ERBB4: variants seen among roughly 807,000 people sequenced by gnomAD.
ERBB4 encodes erb-b2 receptor tyrosine kinase 4.
ERBB4 carries 42 observed loss-of-function variants against 158.0 expected under a neutral mutation model. The ratio of observed to expected loss-of-function variants is 0.27; its 90% CI spans 0.21 to 0.34. The LOEUF (loss-of-function observed/expected upper bound fraction) is 0.34, where lower values mean the gene tolerates loss of function less well. Among genes scored for constraint, ERBB4 ranks in the 10% least tolerant of loss-of-function variants. ERBB4 has a pLI of 1.00. For synonymous variants in ERBB4, 583 were observed against 558.7 expected, an observed-to-expected ratio of 1.04 and a Z score of -0.61; for missense variants, 1,333 against 1,624.1, an observed-to-expected ratio of 0.82 and a Z score of 3.08.
At chr2:211,434,393 A>G (rs2063807675) in intron 20 of ERBB4, among the ~76,000 whole-genome samples, 1 of 152,150 alleles carries the variant, frequency 6.6e-6, no homozygotes, top group African/African-American at 2.4e-5. Context: ...CAAACTTATA[A>G]AGAGACCTTC....
intron 7 of ERBB4, among the ~76,000 whole-genome samples, chr2:211,719,881 A>AAAAGG (rs2074040030): frequency 6.6e-6 from 1 of 151,996 alleles, no homozygotes; most frequent in Non-Finnish European, 1.5e-5. Flanking sequence ...AAAAAAAAAA[A>AAAAGG]AAAAGGAAAG....
Position 212,198,563 on chromosome 2 carries a change from T to C in ERBB4, c.83-73660A>G, listed in dbSNP as rs369578750. On this transcript the variant is annotated intron_variant, in intron 1 of 27. Coordinates refer to ENST00000342788, the MANE Select transcript of ERBB4 (RefSeq NM_005235.3). ...CAATCCTTCTTAGGGCTGAATAATA[T>C]TATACTGTATCTGCCATATATATAG... Among the ~76,000 whole-genome samples, 8 of 152,066 alleles carry C rather than the reference T, an allele frequency of 5.3e-5. No individual in the cohort carries two copies. The East Asian group carries it at 1.5e-3, about 29-fold the overall frequency.
At chr2:212,410,421 T>C (rs2091463701) in intron 1 of ERBB4, among the ~76,000 whole-genome samples, 1 of 152,050 alleles carries the variant, frequency 6.6e-6, no homozygotes, top group Non-Finnish European at 1.5e-5. Context: ...ATGGAACATA[T>C]GTATGTATAA....
In ERBB4 at chr2:212,341,690, CTTTA is replaced by C. The variant is rs1233748348; in HGVS notation, c.82+196755_82+196758del. Among the ~76,000 whole-genome samples the C allele has an allele frequency of 2.6e-4, 40 of 152,184 alleles. 1 individual carries two copies. Among genetic ancestry groups the C allele is most frequent in the Admixed American group, 2.4e-3 (37 of 15,284 alleles). ...ATTAATATAAGGCATTTTGCAATTT[CTTTA>C]TTTAGTTATTTCAAATTATATTGTA... On this transcript the variant is annotated intron_variant, in intron 1 of 27. Transcript: ENST00000342788.
At chr2:211,581,979 C>T (rs983075253) in intron 19 of ERBB4, among the ~76,000 whole-genome samples, 47 of 151,962 alleles carry the variant, frequency 3.1e-4, no homozygotes, top group African/African-American at 8.9e-4. Context: ...CATTGTACTC[C>T]AGCCTAGGTG....
intron 1 of ERBB4, among the ~76,000 whole-genome samples, chr2:212,425,279 AAC>A (rs2091882837): frequency 7.0e-6 from 1 of 142,302 alleles, no homozygotes; most frequent in Non-Finnish European, 1.5e-5. Flanking sequence ...TATAATAAAT[AAC>A]AGATATATAT....
At chr2:211,965,249 T>C (rs2081282290) in intron 2 of ERBB4, among the ~76,000 whole-genome samples, 1 of 152,230 alleles carries the variant, frequency 6.6e-6, no homozygotes, top group Non-Finnish European at 1.5e-5. Context: ...ATATTCTCAG[T>C]ATGTTACTGA....
intron 1 of ERBB4, among the ~76,000 whole-genome samples, chr2:212,503,158 T>A (rs1171824975): frequency 6.6e-6 from 1 of 152,232 alleles, no homozygotes; most frequent in East Asian, 1.9e-4. Flanking sequence ...CATTGAACTG[T>A]TAGTAATGAG....
intron 25 of ERBB4, among the ~76,000 whole-genome samples, chr2:211,388,450 C>T (rs2062732916): frequency 6.6e-6 from 1 of 152,110 alleles, no homozygotes; most frequent in South Asian, 2.1e-4. Context: ...TTTCGATTTG[C>T]CTGGACTAAT....
At chr2:212,113,986 T>C (rs1161195345) in intron 2 of ERBB4, among the ~76,000 whole-genome samples, 2 of 152,200 alleles carry the variant, frequency 1.3e-5, no homozygotes, top group African/African-American at 4.8e-5. Context: ...AATAAAAGAA[T>C]TCTTATGGCT....
intron 1 of ERBB4, among the ~76,000 whole-genome samples, chr2:212,339,162 C>A (rs114043389): frequency 2.0e-5 from 3 of 152,156 alleles, no homozygotes; most frequent in African/African-American, 7.2e-5. Flanking sequence ...TTCTCTCCCT[C>A]CCCAACCCCA....
chr2:212,245,421 T>TA (rs1244404504), intron 1 of ERBB4, among the ~76,000 whole-genome samples: 2 of 152,160 alleles, frequency 1.3e-5, no homozygotes, highest in Non-Finnish European at 2.9e-5. Context: ...GAATGGAAGC[T>TA]ATCCTCCTAT....
At chr2:212,199,443 C>T (rs2082527996) in intron 1 of ERBB4, among the ~76,000 whole-genome samples, 1 of 152,128 alleles carries the variant, frequency 6.6e-6, no homozygotes, top group Non-Finnish European at 1.5e-5. Flanking sequence ...ATAACTATTA[C>T]ATCATAAATT....
rs1213520652 is a variant in ERBB4, at chr2:211,377,966, T to C, written c.*5649A>G. 2 of 232,834 alleles carry C rather than the reference T, an allele frequency of 8.6e-6. No homozygotes were observed. Among genetic ancestry groups the C allele is most frequent in the East Asian group, 6.0e-5 (1 of 16,534 alleles). The allele number at this position is 232,834 out of a possible 1,614,324, so 14.4% of individuals were successfully genotyped here. On this transcript the variant is annotated 3_prime_UTR_variant, in exon 28 of 28. Coordinates refer to ENST00000342788, the MANE Select transcript of ERBB4 (RefSeq NM_005235.3). ...GTGTCCAAATTGCTAGAATCTCTTATGAAAAAATCAGGCATTCGAGGGCAA... is the reference window on the plus strand; with the variant it reads ...GTGTCCAAATTGCTAGAATCTCTTACGAAAAAATCAGGCATTCGAGGGCAA...
intron 1 of ERBB4, among the ~76,000 whole-genome samples, chr2:212,378,797 G>A (rs867192416): frequency 6.6e-6 from 1 of 151,740 alleles, no homozygotes; most frequent in African/African-American, 2.4e-5. Flanking sequence ...ACCAATGTTC[G>A]AGTTAACAAT....
intron 2 of ERBB4, among the ~76,000 whole-genome samples, chr2:212,067,255 C>T (rs12694262): frequency 0.84 from 127,781 of 151,946 alleles, 55,239 homozygotes; most frequent in East Asian, 1. Context: ...CAAATTTAAA[C>T]AGAGCCTATA....
chr2:211,413,485 G>A (rs903796874), intron 25 of ERBB4, among the ~76,000 whole-genome samples: 1 of 152,058 alleles, frequency 6.6e-6, no homozygotes, highest in Middle Eastern at 3.4e-3. Context: ...TCATGTCAAA[G>A]ATACCACCAT....
At chr2:211,467,335 CT>C (rs1184008273) in intron 20 of ERBB4, among the ~76,000 whole-genome samples, 1 of 152,160 alleles carries the variant, frequency 6.6e-6, no homozygotes, top group Non-Finnish European at 1.5e-5. Flanking sequence ...GCACTGGTAT[CT>C]GGTCTATCTC....
chr2:211,782,252 C>T (rs760890054), intron 4 of ERBB4, among the ~76,000 whole-genome samples: 20 of 152,130 alleles, frequency 1.3e-4, no homozygotes, highest in Non-Finnish European at 2.5e-4. Context: ...CCCATGTCTG[C>T]ACTCATCCAT....
Sources: allele counts gnomAD v4.1 joint callset (sites outside exome capture counted in the v4.1 genomes callset), GRCh38; gene constraint gnomAD v4.1.1; transcripts MANE v1.5; gene names NCBI Gene and HGNC (gene_info 2026-07-23, HGNC 2026-07-21).